Variants in PCDHGB3 observed in about 807,000 individuals in gnomAD.
PCDHGB3 encodes protocadherin gamma subfamily B, 3, also known as protocadherin gamma-B3.
A neutral mutation model predicts 59.2 loss-of-function variants in PCDHGB3; 40 were observed. The ratio of observed to expected loss-of-function variants is 0.68; its 90% CI spans 0.52 to 0.88. The LOEUF (loss-of-function observed/expected upper bound fraction) is 0.88, where lower values mean the gene tolerates loss of function less well. Ranked by LOEUF, PCDHGB3 falls within the 40% of genes least tolerant of loss-of-function variation. The pLI is 0.00. For synonymous variants in PCDHGB3, 581 were observed against 503.6 expected (o/e 1.15, Z -2.06); for missense variants, 1,309 against 1,187.9 (o/e 1.10, Z -1.50).
intron 1 of PCDHGB3, chr5:141,374,331 GC>G (rs1334948062): frequency 1.2e-6 from 2 of 1,614,024 alleles, no homozygotes; most frequent in Admixed American, 3.3e-5. Flanking sequence ...CGAAACGGCA[GC>G]TTGGTCACCG....
At position 141,485,336 on chromosome 5, in the gene PCDHGB3, G is replaced by A. The variant is rs755039880; in HGVS notation, c.2416-9471G>A. Reference sequence around the variant, plus strand: ...GAATGTCGCTCAAGATTTCCTGCTGGATACGGACAGTCTGTCAGCTCGCAG... The same window carrying A: ...GAATGTCGCTCAAGATTTCCTGCTGAATACGGACAGTCTGTCAGCTCGCAG... On this transcript the variant is annotated intron_variant, in intron 1 of 3. Transcript: ENST00000576222. The surrounding 1 kb of genome is among the most constrained non-coding windows in gnomAD (Gnocchi z 5.7). 3 of 1,614,176 alleles carry A rather than the reference G, an allele frequency of 1.9e-6. No homozygotes were observed. In the South Asian group the frequency reaches 3.3e-5, roughly 18 times the overall value.
chr5:141,398,241 C>G, intron 1 of PCDHGB3: 1 of 1,474,150 alleles, frequency 6.8e-7, no homozygotes, highest in South Asian at 1.2e-5. Context: ...ACAGGATTCC[C>G]GAGGAAATGC....
intron 1 of PCDHGB3, chr5:141,399,780 A>C (rs1444494014): frequency 6.2e-7 from 1 of 1,613,170 alleles, no homozygotes; most frequent in Non-Finnish European, 8.5e-7. Flanking sequence ...TGGGCGACCG[A>C]AACGACAACG....
intron 2 of PCDHGB3, among the ~76,000 whole-genome samples, chr5:141,502,431 G>A (rs998074347): frequency 1.3e-5 from 2 of 151,948 alleles, no homozygotes; most frequent in African/African-American, 4.8e-5. Context: ...TTCTCTGATG[G>A]TTAGATTCAG....
At chr5:141,496,172 T>C (rs942740022) in intron 2 of PCDHGB3, among the ~76,000 whole-genome samples, 1 of 151,672 alleles carries the variant, frequency 6.6e-6, no homozygotes, top group Non-Finnish European at 1.5e-5. Context: ...CACCCTCCCA[T>C]CCAAGCAGCC....
intron 1 of PCDHGB3, chr5:141,439,900 A>G (rs562278732): frequency 6.6e-5 from 10 of 152,362 alleles, no homozygotes; most frequent in African/African-American, 2.2e-4. Flanking sequence ...CAAGGCGACT[A>G]CTGCCTCCTT....
At position 141,403,891 on chromosome 5, in the gene PCDHGB3, AT is replaced by A. The variant is rs757338627; in HGVS notation, c.2415+31086del. The A allele has an allele frequency of 3.1e-6, 5 of 1,613,870 alleles. No individual in the cohort carries two copies. In the Admixed American group the frequency reaches 6.7e-5, roughly 22 times the overall value. On this transcript the variant is annotated intron_variant, in intron 1 of 3. Transcript: ENST00000576222. Reference sequence around the variant, plus strand: ...AAAGTCTAGATTATGAAGAATGTTCATTTTATGAAATGGAAATACAAGCTGA... The same window carrying A: ...AAAGTCTAGATTATGAAGAATGTTCATTTATGAAATGGAAATACAAGCTGA...
chr5:141,453,266 A>G (rs1322091044), intron 1 of PCDHGB3, among the ~76,000 whole-genome samples: 4 of 151,838 alleles, frequency 2.6e-5, no homozygotes. Flanking sequence ...AGTGCACACC[A>G]CCATGACTGG....
At chr5:141,394,324 A>G in intron 1 of PCDHGB3, 1 of 1,613,922 alleles carries the variant, frequency 6.2e-7, no homozygotes. Context: ...CTGTCCTCGT[A>G]TATCTCCATC....
chr5:141,486,337 C>T lies in PCDHGB3; in HGVS notation c.2416-8470C>T, dbSNP rs116799150. On this transcript the variant is annotated intron_variant, in intron 1 of 3. Coordinates refer to ENST00000576222, the MANE Select transcript of PCDHGB3 (RefSeq NM_018924.5). The surrounding 1 kb of genome is among the most constrained non-coding windows in gnomAD (Gnocchi z 5.0). ...GGTCAAACGGAGATGTGAGCCTCCG[C>T]ATTCCTGACCACTTGCCATTTGCCC... 1 of 1,614,076 alleles carries T rather than the reference C, an allele frequency of 6.2e-7. No homozygotes were observed. Among genetic ancestry groups the T allele is most frequent in the Non-Finnish European group, 8.5e-7 (1 of 1,179,966 alleles).
intron 2 of PCDHGB3, among the ~76,000 whole-genome samples, chr5:141,497,478 C>T (rs974494984): frequency 6.0e-5 from 9 of 150,954 alleles, no homozygotes; most frequent in South Asian, 4.2e-4. Context: ...GGAGAAGGTG[C>T]GGAACCTCTC....
chr5:141,382,401 A>C (rs1778173427), intron 1 of PCDHGB3, among the ~76,000 whole-genome samples: 1 of 152,232 alleles, frequency 6.6e-6, no homozygotes, highest in Non-Finnish European at 1.5e-5. Context: ...TCCCATGTGC[A>C]ATAACGTGTG....
intron 1 of PCDHGB3, chr5:141,395,542 TTGTG>T (rs55729045): frequency 0.22 from 37,255 of 170,042 alleles, 4,387 homozygotes; most frequent in East Asian, 0.36. Flanking sequence ...TTGCTATTGT[TTGTG>T]TGTGTGTGTG....
At chr5:141,387,774 G>C (rs2091089351) in intron 1 of PCDHGB3, 3 of 1,445,206 alleles carry the variant, frequency 2.1e-6, no homozygotes, top group East Asian at 2.5e-5. Context: ...ATTTTTTCTT[G>C]AACTGGAACT....
chr5:141,375,838 C>T (rs527863161), intron 1 of PCDHGB3: 1 of 1,614,128 alleles, frequency 6.2e-7, no homozygotes, highest in Admixed American at 1.7e-5. Flanking sequence ...CAGAGCCCGG[C>T]TACCTGGTGA....
At chr5:141,421,089 T>A (rs1047424267) in intron 1 of PCDHGB3, 25 of 661,836 alleles carry the variant, frequency 3.8e-5, no homozygotes, top group Middle Eastern at 4.1e-4. Context: ...TCACAGATCC[T>A]GACACTGGAG....
At position 141,490,745 on chromosome 5, in the gene PCDHGB3, C is replaced by A. The variant is rs769031787; in HGVS notation, c.2416-4062C>A. 1 of 1,614,238 alleles carries A rather than the reference C, an allele frequency of 6.2e-7. No homozygotes were observed. Among genetic ancestry groups the A allele is most frequent in the Non-Finnish European group, 8.5e-7 (1 of 1,180,042 alleles). ...GTAGGAAATCAGGTTCAGGGAGCCCCAGCCTCCTCCTTTGTGTATGTCAAC... is the reference window on the plus strand; with the variant it reads ...GTAGGAAATCAGGTTCAGGGAGCCCAAGCCTCCTCCTTTGTGTATGTCAAC... On this transcript the variant is annotated intron_variant, in intron 1 of 3. Transcript: ENST00000576222. The surrounding 1 kb of genome is among the most constrained non-coding windows in gnomAD (Gnocchi z 5.4).
At position 141,490,258 on chromosome 5, in the gene PCDHGB3, G is replaced by A. The variant is rs776865457; in HGVS notation, c.2416-4549G>A. Reference sequence around the variant, plus strand: ...GGGCCACTGTGTGATTCAAGTGGATGTGGGGGATGTCAATGACAATGCCCC... The same window carrying A: ...GGGCCACTGTGTGATTCAAGTGGATATGGGGGATGTCAATGACAATGCCCC... On this transcript the variant is annotated intron_variant, in intron 1 of 3. Transcript: ENST00000576222. The surrounding 1 kb of genome is among the most constrained non-coding windows in gnomAD (Gnocchi z 5.4). 6.2e-7 allele frequency: 1 copy of A among 1,614,136 alleles called. No homozygotes were observed.
chr5:141,379,441 A>G (rs185197715), intron 1 of PCDHGB3: 93 of 152,360 alleles, frequency 6.1e-4, no homozygotes, highest in African/African-American at 2.0e-3. Context: ...TGTTATACAT[A>G]TGATTATTTC....
Sources: gnomAD v4.1 joint callset for allele counts (sites outside exome capture counted in the v4.1 genomes callset) on GRCh38, gnomAD v4.1.1 for gene constraint, Gnocchi (gnomAD v3.1) non-coding constraint, MANE v1.5 for transcripts, NCBI Gene and HGNC (gene_info 2026-07-23, HGNC 2026-07-21) for gene names.